Variants in CHN1 observed in about 807,000 individuals in gnomAD.
The protein encoded by CHN1 is N-chimaerin.
A neutral mutation model predicts 59.5 loss-of-function variants in CHN1; 37 were observed. The ratio of observed to expected loss-of-function variants is 0.62; its 90% CI spans 0.48 to 0.82. The LOEUF is 0.82. Ranked by LOEUF, CHN1 falls within the 40% of genes least tolerant of loss-of-function variation. The probability of loss-of-function intolerance (pLI) is 0.00; values close to 1 mark genes in which losing one functional copy is unlikely to be tolerated. For missense variants in CHN1, 469 were observed against 571.0 expected, an observed-to-expected ratio of 0.82 and a Z score of 1.82; for synonymous variants, 206 against 200.4, an observed-to-expected ratio of 1.03 and a Z score of -0.24.
intron 7 of CHN1, among the ~76,000 whole-genome samples, chr2:174,843,364 A>G (rs554424876): frequency 6.6e-6 from 1 of 152,086 alleles, no homozygotes. Context: ...CTCAGCCTCC[A>G]GAGGAGCTGG....
chr2:174,808,273 T>G (rs115507712), intron 11 of CHN1, among the ~76,000 whole-genome samples: 1,870 of 152,208 alleles, frequency 0.012, 27 homozygotes, highest in African/African-American at 0.042. Flanking sequence ...AGATAGTTGG[T>G]TTTTTGTTTG....
chr2:174,960,838 A>G (rs1574215723), intron 1 of CHN1, among the ~76,000 whole-genome samples: 1 of 151,158 alleles, frequency 6.6e-6, no homozygotes, highest in East Asian at 2.0e-4. Flanking sequence ...AATGAAAATA[A>G]AAACACAGCT....
At chr2:174,816,732 G>A (rs1468755922) in intron 8 of CHN1, among the ~76,000 whole-genome samples, 1 of 151,944 alleles carries the variant, frequency 6.6e-6, no homozygotes, top group African/African-American at 2.4e-5. Context: ...TTTGTCCAGG[G>A]CCTTTTGTTA....
chr2:174,812,221 G>A (rs780655902), intron 9 of CHN1, 88 bp downstream of exon 9: 14 of 1,068,460 alleles, frequency 1.3e-5, no homozygotes, highest in South Asian at 4.9e-5. Flanking sequence ...GAAGACAACC[G>A]TATTGTGCAA....
intron 7 of CHN1, among the ~76,000 whole-genome samples, chr2:174,831,011 GTAACTT>G (rs1387674984): frequency 6.6e-6 from 1 of 152,146 alleles, no homozygotes; most frequent in African/African-American, 2.4e-5. Flanking sequence ...AATAAATGAT[GTAACTT>G]TAACTGTGAG....
intron 1 of CHN1, among the ~76,000 whole-genome samples, chr2:174,992,371 A>G (rs1241522361): frequency 6.6e-6 from 1 of 152,224 alleles, no homozygotes; most frequent in Non-Finnish European, 1.5e-5. Context: ...CATGCTTCCA[A>G]AAGAGAAAAG....
At chr2:174,928,032 G>C (rs889598669) in intron 3 of CHN1, among the ~76,000 whole-genome samples, 1 of 152,182 alleles carries the variant, frequency 6.6e-6, no homozygotes, top group Non-Finnish European at 1.5e-5. Flanking sequence ...CAGTTGTCTG[G>C]AGAAGTAGAA....
Position 174,944,961 on chromosome 2 carries a change from C to T in CHN1, c.59-18G>A. ...CTGATATACTGTGAGAAGGTAGAAA[C>T]AAAAAGTGTCAATGTCCCTTACATA... On this transcript the variant is annotated intron_variant, in intron 2 of 12. Coordinates refer to ENST00000409900, the MANE Select transcript of CHN1 (RefSeq NM_001822.7). 1 of 1,545,810 alleles carries T rather than the reference C, an allele frequency of 6.5e-7. No individual in the cohort carries two copies. Among genetic ancestry groups the T allele is most frequent in the Non-Finnish European group, 8.8e-7 (1 of 1,138,704 alleles).
chr2:174,822,012 T>C (rs138392099), intron 8 of CHN1, among the ~76,000 whole-genome samples: 2 of 152,276 alleles, frequency 1.3e-5, no homozygotes, highest in African/African-American at 4.8e-5. Context: ...TCTCAATTCT[T>C]TGCGTTTGGA....
intron 6 of CHN1, among the ~76,000 whole-genome samples, chr2:174,857,192 G>T (rs965553021): frequency 6.6e-6 from 1 of 152,160 alleles, no homozygotes; most frequent in East Asian, 1.9e-4. Flanking sequence ...AATACTTAAT[G>T]TGTAGAGTTA....
intron 7 of CHN1, among the ~76,000 whole-genome samples, chr2:174,829,369 C>A (rs775535019): frequency 6.6e-5 from 10 of 152,198 alleles, no homozygotes; most frequent in African/African-American, 9.7e-5. Flanking sequence ...GTCTCCTGGG[C>A]AATGACTTAG....
At chr2:174,963,480 T>C (rs1690486126) in intron 1 of CHN1, among the ~76,000 whole-genome samples, 1 of 152,110 alleles carries the variant, frequency 6.6e-6, no homozygotes, top group South Asian at 2.1e-4. Context: ...AGAAGGACAC[T>C]AAACAGAGGA....
At chr2:174,881,697 C>G (rs549039219) in intron 5 of CHN1, among the ~76,000 whole-genome samples, 1 of 152,272 alleles carries the variant, frequency 6.6e-6, no homozygotes, top group East Asian at 1.9e-4. Flanking sequence ...ACTGGCTGTA[C>G]AGGAACATCT....
intron 1 of CHN1, among the ~76,000 whole-genome samples, chr2:174,963,435 T>C (rs1402323279): frequency 1.3e-5 from 2 of 152,180 alleles, no homozygotes; most frequent in African/African-American, 4.8e-5. Flanking sequence ...AAAGGATAGA[T>C]GGTTTTTAAA....
At chr2:174,879,306 T>C (rs1375540170) in intron 5 of CHN1, among the ~76,000 whole-genome samples, 1 of 152,222 alleles carries the variant, frequency 6.6e-6, no homozygotes, top group Non-Finnish European at 1.5e-5. Flanking sequence ...GGAAATAAAA[T>C]ATTTTTTAAA....
At chr2:174,867,236 C>T (rs1197181035) in intron 6 of CHN1, among the ~76,000 whole-genome samples, 8 of 151,660 alleles carry the variant, frequency 5.3e-5, no homozygotes, top group African/African-American at 1.7e-4. Context: ...ATTAGCTGAG[C>T]GTGGTGGTGC....
intron 7 of CHN1, chr2:174,846,197 A>G: frequency 7.5e-7 from 1 of 1,340,048 alleles, no homozygotes; most frequent in Admixed American, 3.2e-5. Context: ...ATCATGCTAT[A>G]AATACAGACT....
At chr2:174,924,259 ATTC>A (rs1157660533) in intron 3 of CHN1, among the ~76,000 whole-genome samples, 17 of 152,178 alleles carry the variant, frequency 1.1e-4, no homozygotes, top group Admixed American at 1.1e-3. Flanking sequence ...TGCAGAGACA[ATTC>A]TTATCTCCTG....
intron 5 of CHN1, among the ~76,000 whole-genome samples, chr2:174,884,380 T>C (rs1048195705): frequency 2.6e-5 from 4 of 151,034 alleles, no homozygotes; most frequent in African/African-American, 9.8e-5. Context: ...ATTTACACAA[T>C]GGATGAAAAC....
Sources: allele counts gnomAD v4.1 joint callset (sites outside exome capture counted in the v4.1 genomes callset), GRCh38; gene constraint gnomAD v4.1.1; transcripts MANE v1.5; gene names NCBI Gene and HGNC (gene_info 2026-07-23, HGNC 2026-07-21).